The following ELOVL6 variants were observed in gnomAD, a reference collection of about 807,000 sequenced individuals.
ELOVL6 encodes very long chain fatty acid elongase 6.
A neutral mutation model predicts 31.7 loss-of-function variants in ELOVL6; 8 were observed. That is an observed-to-expected ratio of 0.25 (90% confidence interval 0.15 to 0.45). The LOEUF is 0.45. ELOVL6 is among the 20% of genes least tolerant of loss of function. ELOVL6 has a pLI of 1.00. For synonymous variants in ELOVL6, 101 were observed against 117.7 expected (o/e 0.86, Z 0.92); for missense variants, 126 against 326.4 (o/e 0.39, Z 4.73).
rs548372309 is a variant in ELOVL6 at position 110,070,495 on chromosome 4, CA to C, written c.222-10742del. ...CAAATTATTAGGACAGTGACAATTC[CA>C]GTGCAACGATAATAGCAGTGCTCCA... On this transcript the variant is annotated intron_variant, in intron 2 of 3. Coordinates refer to ENST00000302274, the MANE Select transcript of ELOVL6 (RefSeq NM_024090.3). Among the ~76,000 whole-genome samples, 28 of 152,328 alleles carry C rather than the reference CA, an allele frequency of 1.8e-4. No individual in the cohort carries two copies. The South Asian group carries it at 5.6e-3, about 30-fold the overall frequency.
chr4:110,055,015 C>T (rs1488971979), intron 3 of ELOVL6, among the ~76,000 whole-genome samples: 1 of 152,172 alleles, frequency 6.6e-6, no homozygotes, highest in Non-Finnish European at 1.5e-5. Context: ...CCATTCAACA[C>T]CCTATCAGGG....
intron 1 of ELOVL6, among the ~76,000 whole-genome samples, chr4:110,107,744 T>C (rs1756925794): frequency 6.6e-6 from 1 of 152,162 alleles, no homozygotes; most frequent in African/African-American, 2.4e-5. Context: ...ACCAAGTTAA[T>C]GTAGGTGATA....
intron 2 of ELOVL6, among the ~76,000 whole-genome samples, chr4:110,063,600 CT>C (rs1755209259): frequency 1.3e-5 from 2 of 152,138 alleles, no homozygotes; most frequent in Admixed American, 1.3e-4. Context: ...AGAAAAGCTT[CT>C]GTTTCAAGTG....
chr4:110,189,613 A>AAGAG (rs759305516), intron 1 of ELOVL6, among the ~76,000 whole-genome samples: 2 of 105,190 alleles, frequency 1.9e-5, no homozygotes, highest in Non-Finnish European at 1.9e-5. Context: ...AAAAAAAAAA[A>AAGAG]AGAGAGAGAG....
At chr4:110,116,964 T>C (rs926779287) in intron 1 of ELOVL6, among the ~76,000 whole-genome samples, 4 of 152,212 alleles carry the variant, frequency 2.6e-5, no homozygotes, top group Non-Finnish European at 4.4e-5. Context: ...CTTTTTTCAT[T>C]TTCCTTTGCT....
intron 2 of ELOVL6, among the ~76,000 whole-genome samples, chr4:110,073,604 C>T (rs1755550445): frequency 6.6e-6 from 1 of 152,172 alleles, no homozygotes; most frequent in Non-Finnish European, 1.5e-5. Flanking sequence ...GCTGAACTCC[C>T]CAGGAAGTCT....
chr4:110,145,696 C>T (rs6815102), intron 1 of ELOVL6, among the ~76,000 whole-genome samples: 102,277 of 144,894 alleles, frequency 0.71, 34,979 homozygotes, highest in Non-Finnish European at 0.73. Context: ...CAGAGACTGT[C>T]TAAAAAAAAA....
At chr4:110,165,915 G>A (rs1440781910) in intron 1 of ELOVL6, among the ~76,000 whole-genome samples, 1 of 152,082 alleles carries the variant, frequency 6.6e-6, no homozygotes, top group Non-Finnish European at 1.5e-5. Context: ...AAAAGAGGGT[G>A]GTCTTTTCCA....
At chr4:110,150,770 C>T (rs1486457266) in intron 1 of ELOVL6, among the ~76,000 whole-genome samples, 1 of 152,076 alleles carries the variant, frequency 6.6e-6, no homozygotes, top group African/African-American at 2.4e-5. Flanking sequence ...GGGCCGGGCA[C>T]GGTGGCTCAG....
At chr4:110,174,543 T>C (rs145395114) in intron 1 of ELOVL6, among the ~76,000 whole-genome samples, 1 of 152,310 alleles carries the variant, frequency 6.6e-6, no homozygotes, top group Non-Finnish European at 1.5e-5. Flanking sequence ...AAAGGTCAAA[T>C]GGTATCTCTT....
rs149431548 is a variant in ELOVL6, at chr4:110,105,363, C to T, written c.221+134G>A. ...TGGCAGTGAAGGCTTTCTTTCTGAA[C>T]ATGACTTTATTTTATGTCCTCATCA... On this transcript the variant is annotated intron_variant, in intron 2 of 3. Coordinates refer to ENST00000302274, the MANE Select transcript of ELOVL6 (RefSeq NM_024090.3). The T allele has an allele frequency of 3.2e-3, 2,984 of 944,984 alleles. 15 individuals are homozygous for T. Among genetic ancestry groups the T allele is most frequent in the Middle Eastern group, 0.016 (50 of 3,056 alleles). 58.5% of individuals were successfully genotyped at this position (944,984 alleles called of 1,614,324 possible).
At chr4:110,124,015 C>G (rs1446921954) in intron 1 of ELOVL6, among the ~76,000 whole-genome samples, 1 of 152,194 alleles carries the variant, frequency 6.6e-6, no homozygotes, top group Non-Finnish European at 1.5e-5. Flanking sequence ...ATCCCAGTTT[C>G]TGCTACTGCC....
intron 2 of ELOVL6, among the ~76,000 whole-genome samples, chr4:110,095,921 T>C (rs75473553): frequency 0.031 from 4,741 of 152,160 alleles, 106 homozygotes; most frequent in East Asian, 0.11. Context: ...ATTAGGAAAA[T>C]TGTGATAAAC....
chr4:110,059,534 G>T, intron 3 of ELOVL6, 69 bp downstream of exon 3: 1 of 1,472,080 alleles, frequency 6.8e-7, no homozygotes, highest in Non-Finnish European at 9.1e-7. Flanking sequence ...ATGTTTCTTT[G>T]CTCACTAAAT....
chr4:110,178,759 C>G (rs1034406987), intron 1 of ELOVL6, among the ~76,000 whole-genome samples: 2 of 152,046 alleles, frequency 1.3e-5, no homozygotes, highest in Admixed American at 6.6e-5. Context: ...GAGCCTGAGG[C>G]TGGAGAATCA....
chr4:110,152,241 C>A (rs1349659547), intron 1 of ELOVL6, among the ~76,000 whole-genome samples: 1 of 152,156 alleles, frequency 6.6e-6, no homozygotes, highest in Non-Finnish European at 1.5e-5. Context: ...ATATCAAGTC[C>A]TATTATGGAC....
intron 1 of ELOVL6, among the ~76,000 whole-genome samples, chr4:110,112,407 T>G (rs1229468203): frequency 4.6e-5 from 7 of 152,212 alleles, no homozygotes; most frequent in South Asian, 2.1e-4. Flanking sequence ...TGTTTGCAGC[T>G]CAGAGAATTG....
intron 1 of ELOVL6, chr4:110,117,902 AAATAT>A (rs1425992870): frequency 6.3e-5 from 1 of 15,942 alleles, no homozygotes; most frequent in Non-Finnish European, 1.0e-4. Context: ...AAAAAAAAAA[AAATAT>A]ATATATATAT....
At chr4:110,080,182 T>C (rs146181191) in intron 2 of ELOVL6, among the ~76,000 whole-genome samples, 20,293 of 152,216 alleles carry the variant, frequency 0.13, 1,438 homozygotes, top group African/African-American at 0.15. Flanking sequence ...GCTGGTACCA[T>C]TGCTTCTGAA....
Sources: allele counts gnomAD v4.1 joint callset (sites outside exome capture counted in the v4.1 genomes callset), GRCh38; gene constraint gnomAD v4.1.1; transcripts MANE v1.5; gene names NCBI Gene and HGNC (gene_info 2026-07-23, HGNC 2026-07-21).